ZDHHC13: variants seen among roughly 807,000 people sequenced by gnomAD.
ZDHHC13 encodes the protein zDHHC palmitoyltransferase 13, also known as palmitoyltransferase ZDHHC13.
In ZDHHC13, 85 loss-of-function variants were observed where a neutral mutation model predicts 86.0. The ratio of observed to expected loss-of-function variants is 0.99; its 90% CI spans 0.83 to 1.18. The LOEUF is 1.18. ZDHHC13 is among the 50% of genes most tolerant of loss of function. The probability of loss-of-function intolerance (pLI) is 0.00; values close to 1 mark genes in which losing one functional copy is unlikely to be tolerated. For missense variants in ZDHHC13, 711 were observed against 730.2 expected (o/e 0.97, Z 0.30); for synonymous variants, 263 against 246.4 (o/e 1.07, Z -0.63).
intron 11 of ZDHHC13, among the ~76,000 whole-genome samples, chr11:19,163,955 A>T (rs750721266): frequency 6.6e-6 from 1 of 152,040 alleles, no homozygotes; most frequent in Non-Finnish European, 1.5e-5. Flanking sequence ...TTCAGTTTTG[A>T]TGTATACTGG....
chr11:19,149,893 A>G (rs1242271487), intron 5 of ZDHHC13, among the ~76,000 whole-genome samples: 2 of 152,248 alleles, frequency 1.3e-5, no homozygotes, highest in Non-Finnish European at 2.9e-5. Flanking sequence ...ACTTGCCTGT[A>G]AAAGGCATGA....
intron 1 of ZDHHC13, among the ~76,000 whole-genome samples, chr11:19,126,005 G>C (rs563845547): frequency 1.3e-5 from 2 of 152,250 alleles, no homozygotes; most frequent in East Asian, 3.9e-4. Context: ...AATTCATACA[G>C]CTGTATACCA....
At chr11:19,153,924 C>A (rs1025318792) in intron 8 of ZDHHC13, among the ~76,000 whole-genome samples, 1 of 151,802 alleles carries the variant, frequency 6.6e-6, no homozygotes, top group African/African-American at 2.4e-5. Context: ...GTTCAGCCTT[C>A]AGTTTATGTC....
intron 1 of ZDHHC13, among the ~76,000 whole-genome samples, chr11:19,134,082 A>T (rs140374497): frequency 6.6e-6 from 1 of 152,006 alleles, no homozygotes; most frequent in African/African-American, 2.4e-5. Context: ...TTTCAAGGCA[A>T]TGCTATTGGA....
intron 14 of ZDHHC13, chr11:19,168,950 A>C (rs1590092580): frequency 4.1e-5 from 40 of 985,062 alleles, no homozygotes; most frequent in Non-Finnish European, 4.8e-5. Context: ...AAAGATGAAA[A>C]CGTTTGACCT....
chr11:19,127,440 G>A (rs1848901794), intron 1 of ZDHHC13, among the ~76,000 whole-genome samples: 1 of 152,150 alleles, frequency 6.6e-6, no homozygotes, highest in South Asian at 2.1e-4. Flanking sequence ...CTGTGCAGAA[G>A]CTCTTTAGTT....
At chr11:19,150,428 C>T (rs1411376713) in intron 5 of ZDHHC13, among the ~76,000 whole-genome samples, 1 of 152,048 alleles carries the variant, frequency 6.6e-6, no homozygotes, top group African/African-American at 2.4e-5. Flanking sequence ...TTTAAGGTCT[C>T]TACCATCTCT....
chr11:19,158,389 G>T (rs1484227734), intron 9 of ZDHHC13, among the ~76,000 whole-genome samples: 4 of 152,038 alleles, frequency 2.6e-5, no homozygotes, highest in Admixed American at 6.6e-5. Context: ...TTAGTGTTCT[G>T]AATACTAGTA....
At chr11:19,163,533 A>G in intron 11 of ZDHHC13, 106 bp downstream of exon 11, 2 of 1,178,250 alleles carry the variant, frequency 1.7e-6, no homozygotes, top group Middle Eastern at 3.1e-4. Context: ...GCTGCATGAC[A>G]TGTGGGGTGA....
intron 14 of ZDHHC13, chr11:19,169,170 C>T (rs1382273937): frequency 2.0e-6 from 2 of 985,266 alleles, no homozygotes; most frequent in African/African-American, 3.5e-5. Context: ...AGTAGAAATC[C>T]ATAAACTGAA....
At position 19,117,245 on chromosome 11, in the gene ZDHHC13, G is replaced by C. The variant is rs1268082305; in HGVS notation, c.-5G>C. On this transcript the variant is annotated 5_prime_UTR_variant, in exon 1 of 17. Coordinates refer to ENST00000446113, the MANE Select transcript of ZDHHC13 (RefSeq NM_019028.3). The surrounding 1 kb of genome is among the most constrained non-coding windows in gnomAD (Gnocchi z 4.2). ...TAGCCTCAGCCGCTGTGGGCTCCTG[G>C]GGAGATGGAGGGGCCGGGGCTGGGC... 6.6e-7 allele frequency: 1 copy of C among 1,517,432 alleles called. No homozygotes were observed. The allele number at this position is 1,517,432 out of a possible 1,614,324, so 94.0% of individuals were successfully genotyped here. A position where few individuals can be genotyped will look rare whatever the true frequency, so the allele number is the denominator to read the frequency against.
At chr11:19,153,750 G>A (rs1052392714) in intron 8 of ZDHHC13, among the ~76,000 whole-genome samples, 5 of 151,908 alleles carry the variant, frequency 3.3e-5, no homozygotes, top group African/African-American at 4.8e-5. Flanking sequence ...TTACTCATCC[G>A]CTTTGATGTC....
intron 3 of ZDHHC13, among the ~76,000 whole-genome samples, chr11:19,147,262 C>G (rs1005754024): frequency 6.6e-6 from 1 of 152,156 alleles, no homozygotes; most frequent in Non-Finnish European, 1.5e-5. Context: ...GAATATCTGT[C>G]TGATCCTAAA....
intron 1 of ZDHHC13, among the ~76,000 whole-genome samples, chr11:19,138,146 C>G (rs1849199503): frequency 6.6e-6 from 1 of 151,336 alleles, no homozygotes; most frequent in South Asian, 2.1e-4. Context: ...AAAGGATCAA[C>G]AAAATTGATA....
intron 6 of ZDHHC13, among the ~76,000 whole-genome samples, 160 bp downstream of exon 6, chr11:19,150,951 T>C (rs1849592443): frequency 6.6e-6 from 1 of 152,100 alleles, no homozygotes; most frequent in South Asian, 2.1e-4. Flanking sequence ...AAGGTAGTTA[T>C]AGTTAGAAAA....
chr11:19,152,579 G>T lies in ZDHHC13; in HGVS notation c.768G>T (p.Met256Ile), dbSNP rs1344240872. The T allele has an allele frequency of 1.9e-6, 3 of 1,612,262 alleles. No individual in the cohort carries two copies. Among genetic ancestry groups the T allele is most frequent in the Non-Finnish European group, 1.7e-6 (2 of 1,179,018 alleles). The part of the protein sequence containing the change: ...QNVKGETPLD[M>I]ALQNKNQLII... ...TTAAGGGAGAAACACCTCTTGATAT[G>T]GCTCTACAAAACAAAAATCAGCTCA... Residue 256 changes from methionine (M) to isoleucine (I), a missense_variant, in exon 8 of 17, where the codon ATG becomes ATT. Physicochemically the swap from Met to Ile is conservative, Grantham distance 10. Coordinates refer to ENST00000446113, the MANE Select transcript of ZDHHC13 (RefSeq NM_019028.3).
intron 1 of ZDHHC13, among the ~76,000 whole-genome samples, chr11:19,130,901 A>G (rs1311607781): frequency 6.6e-6 from 1 of 151,184 alleles, no homozygotes; most frequent in Non-Finnish European, 1.5e-5. Flanking sequence ...GCTGGAGTAC[A>G]GTGGCGCGAT....
At chr11:19,144,454 T>TGC (rs1849403524) in intron 2 of ZDHHC13, among the ~76,000 whole-genome samples, 1 of 151,864 alleles carries the variant, frequency 6.6e-6, no homozygotes, top group African/African-American at 2.4e-5. Context: ...TGTGTGTGTG[T>TGC]GTGTGTGTGT....
intron 4 of ZDHHC13, chr11:19,148,508 A>G (rs1849527739): frequency 1.3e-5 from 2 of 152,202 alleles, no homozygotes; most frequent in Admixed American, 6.5e-5. Flanking sequence ...ATTTCTGTAT[A>G]TCTGGCTTAT....
Sources: allele counts gnomAD v4.1 joint callset (sites outside exome capture counted in the v4.1 genomes callset), GRCh38; gene constraint gnomAD v4.1.1; non-coding constraint Gnocchi (gnomAD v3.1); transcripts MANE v1.5; gene names NCBI Gene and HGNC (gene_info 2026-07-23, HGNC 2026-07-21).